SH2D4A: variants seen among roughly 807,000 people sequenced by gnomAD.
The protein encoded by SH2D4A is SH2 domain containing 4A.
Under a neutral mutation model 64.7 loss-of-function variants are expected in SH2D4A, and 70 were observed. The ratio of observed to expected loss-of-function variants is 1.08; its 90% CI spans 0.89 to 1.32. SH2D4A has a LOEUF of 1.32. Among genes scored for constraint, SH2D4A ranks in the 40% most tolerant of loss-of-function variants. SH2D4A has a pLI of 0.00. For synonymous variants in SH2D4A, 268 were observed against 200.7 expected, an observed-to-expected ratio of 1.34 and a Z score of -2.83; for missense variants, 706 against 540.1, an observed-to-expected ratio of 1.31 and a Z score of -3.04.
chr8:19,326,687 G>C (rs895985697), intron 2 of SH2D4A, among the ~76,000 whole-genome samples: 1 of 152,034 alleles, frequency 6.6e-6, no homozygotes, highest in Non-Finnish European at 1.5e-5. Flanking sequence ...TAGTGTGTGT[G>C]AGAGCATGTG....
rs114896273 is a variant in SH2D4A, at chr8:19,342,687, C to T, written c.513+7830C>T. Among the ~76,000 whole-genome samples, 866 of 152,218 alleles carry T rather than the reference C, an allele frequency of 5.7e-3. 10 individuals are homozygous for T. Among genetic ancestry groups the T allele is most frequent in the African/African-American group, 0.02 (829 of 41,512 alleles). On this transcript the variant is annotated intron_variant, in intron 4 of 9. Transcript: ENST00000265807. ...CTGGGTCTTCTACCTTATTCAGGTC[C>T]CTCTTATTATCTGCCCCCGGGAAGG...
chr8:19,337,074 A>G lies in SH2D4A; in HGVS notation c.513+2217A>G, dbSNP rs181610047. The stretch of plus-strand genomic sequence containing the variant: ...GTGCCTGCTAAACTGACATATGGAA[A>G]GAGATGGGGGCAGGGGAGAAAGAAA... On this transcript the variant is annotated intron_variant, in intron 4 of 9. Transcript: ENST00000265807. 1.1e-3 allele frequency among the ~76,000 whole-genome samples: 161 copies of G among 152,304 alleles called. 1 individual carries two copies. Among genetic ancestry groups the G allele is most frequent in the African/African-American group, 3.7e-3 (153 of 41,564 alleles).
chr8:19,370,459 G>A (rs1213609170), intron 7 of SH2D4A, among the ~76,000 whole-genome samples: 2 of 151,974 alleles, frequency 1.3e-5, no homozygotes, highest in African/African-American at 4.8e-5. Flanking sequence ...TGTTCTTGCT[G>A]TATTGAACTC....
At chr8:19,344,101 A>T (rs535674711) in intron 4 of SH2D4A, among the ~76,000 whole-genome samples, 16 of 152,298 alleles carry the variant, frequency 1.1e-4, no homozygotes, top group African/African-American at 3.8e-4. Context: ...CTTATGGAAG[A>T]AGAGTCAGGC....
chr8:19,318,244 TGTA>T (rs1563181113), intron 1 of SH2D4A, among the ~76,000 whole-genome samples: 1 of 152,182 alleles, frequency 6.6e-6, no homozygotes, highest in Non-Finnish European at 1.5e-5. Context: ...TCTGAAAAGT[TGTA>T]GTAAGTTTTT....
chr8:19,326,813 A>T (rs1223798759), intron 2 of SH2D4A, among the ~76,000 whole-genome samples: 1 of 152,104 alleles, frequency 6.6e-6, no homozygotes, highest in African/African-American at 2.4e-5. Context: ...TTAGCCCTTG[A>T]TCTCCACCTT....
chr8:19,369,851 C>G (rs2053064574), intron 7 of SH2D4A, among the ~76,000 whole-genome samples: 2 of 151,884 alleles, frequency 1.3e-5, no homozygotes, highest in African/African-American at 4.8e-5. Context: ...TTTCCTTCAA[C>G]TAATGTTGCA....
chr8:19,368,564 T>C (rs548112895), intron 7 of SH2D4A, among the ~76,000 whole-genome samples: 2 of 152,014 alleles, frequency 1.3e-5, no homozygotes, highest in South Asian at 4.2e-4. Context: ...CCTCCTTGGT[T>C]AAATTTATTC....
intron 8 of SH2D4A, among the ~76,000 whole-genome samples, chr8:19,383,314 C>T (rs1333191996): frequency 6.6e-6 from 1 of 151,904 alleles, no homozygotes; most frequent in African/African-American, 2.4e-5. Context: ...TCTTTCTTCT[C>T]CCTGCTTAAA....
At chr8:19,340,668 C>T (rs944103338) in intron 4 of SH2D4A, among the ~76,000 whole-genome samples, 1 of 141,042 alleles carries the variant, frequency 7.1e-6, no homozygotes, top group Non-Finnish European at 1.5e-5. Context: ...TACAGTGGCA[C>T]AATCATAAGC....
At chr8:19,385,185 A>G (rs1250168774) in intron 8 of SH2D4A, among the ~76,000 whole-genome samples, 2 of 151,376 alleles carry the variant, frequency 1.3e-5, no homozygotes, top group Non-Finnish European at 2.9e-5. Flanking sequence ...TGGGATAGCA[A>G]TATAGTTCAC....
At chr8:19,336,698 C>T (rs1213210955) in intron 4 of SH2D4A, among the ~76,000 whole-genome samples, 1 of 151,908 alleles carries the variant, frequency 6.6e-6, no homozygotes, top group Non-Finnish European at 1.5e-5. Flanking sequence ...ACCCCCATCT[C>T]TACAAAAAAT....
chr8:19,319,451 C>G lies in SH2D4A; in HGVS notation c.-97C>G. On this transcript the variant is annotated 5_prime_UTR_variant, in exon 2 of 10. Transcript: ENST00000265807. Reference sequence around the variant, plus strand: ...GGATTGTGAGCTGTTTGGGAAGTTTCGTGGAAACGCCCAAGTGCCAGCACA... The same window carrying G: ...GGATTGTGAGCTGTTTGGGAAGTTTGGTGGAAACGCCCAAGTGCCAGCACA... 1 of 1,343,746 alleles carries G rather than the reference C, an allele frequency of 7.4e-7. No homozygotes were observed. The highest frequency in any genetic ancestry group is 3.3e-5 in the Admixed American group (1 of 30,284). The allele number at this position is 1,343,746 out of a possible 1,614,324, so 83.2% of individuals were successfully genotyped here.
intron 4 of SH2D4A, among the ~76,000 whole-genome samples, chr8:19,336,493 G>A (rs997975002): frequency 6.6e-6 from 1 of 151,962 alleles, no homozygotes; most frequent in South Asian, 2.1e-4. Context: ...CCCCCAACAC[G>A]GCTCCCCTTC....
At chr8:19,331,105 A>G (rs1487775275) in intron 2 of SH2D4A, among the ~76,000 whole-genome samples, 1 of 152,156 alleles carries the variant, frequency 6.6e-6, no homozygotes, top group Non-Finnish European at 1.5e-5. Context: ...CTCTGTTTAG[A>G]ACATACTGCA....
intron 4 of SH2D4A, among the ~76,000 whole-genome samples, chr8:19,337,342 G>C (rs17128225): frequency 0.65 from 99,044 of 152,008 alleles, 33,413 homozygotes; most frequent in African/African-American, 0.8. Context: ...ATTGTAAGTT[G>C]TGTATATGTC....
rs757737384 is a variant in SH2D4A, at chr8:19,333,089, G to A, written c.316G>A (p.Ala106Thr). 6.2e-7 allele frequency: 1 copy of A among 1,613,660 alleles called. No individual in the cohort carries two copies. Among genetic ancestry groups the A allele is most frequent in the Non-Finnish European group, 8.5e-7 (1 of 1,179,928 alleles). The change falls in exon 3 of 10, where the codon GCA (alanine) becomes ACA (threonine). Residue 106 changes from alanine (A) to threonine (T), a missense_variant. Coordinates refer to ENST00000265807, the MANE Select transcript of SH2D4A (RefSeq NM_022071.4). ...TATTGCTGAGAGGGCCCGGCTGAAA[G>A]CAGAACAGGAGGCAGAAGAGCCCAG... ...EIIAERARLK[A>T]EQEAEEPRKT...
chr8:19,393,621 A>G, intron 9 of SH2D4A, 80 bp downstream of exon 9: 1 of 1,418,712 alleles, frequency 7.0e-7, no homozygotes, highest in South Asian at 1.2e-5. Flanking sequence ...AATTACAAAG[A>G]AAAGGACTGA....
intron 7 of SH2D4A, among the ~76,000 whole-genome samples, chr8:19,367,879 A>C (rs1472267164): frequency 6.6e-6 from 1 of 152,032 alleles, no homozygotes; most frequent in Non-Finnish European, 1.5e-5. Flanking sequence ...AGTTTGAGAG[A>C]AGCCTGAGCA....
Sources: allele counts gnomAD v4.1 joint callset (sites outside exome capture counted in the v4.1 genomes callset), GRCh38; gene constraint gnomAD v4.1.1; transcripts MANE v1.5; gene names NCBI Gene and HGNC (gene_info 2026-07-23, HGNC 2026-07-21).